ADA2: variants seen among roughly 807,000 people sequenced by gnomAD.
The protein encoded by ADA2 is adenosine deaminase 2.
In ADA2, 29 loss-of-function variants were observed where a neutral mutation model predicts 44.2. The ratio of observed to expected loss-of-function variants is 0.66; its 90% confidence interval spans 0.49 to 0.89. The LOEUF is 0.89. ADA2 is among the 40% of genes least tolerant of loss of function. The pLI is 0.00. For synonymous variants in ADA2, 215 were observed against 234.9 expected (o/e 0.92, Z 0.77); for missense variants, 637 against 644.8 (o/e 0.99, Z 0.13).
chr22:17,218,721 C>T (rs2062496268), intron 1 of ADA2, among the ~76,000 whole-genome samples: 1 of 152,212 alleles, frequency 6.6e-6, no homozygotes, highest in Non-Finnish European at 1.5e-5. Flanking sequence ...TGGTCAAGAC[C>T]TGCCTGGTTG....
chr22:17,199,432 C>CTATCCTCTTCCCCTCCCACCCCTCCAA, intron 4 of ADA2: 1 of 1,026,978 alleles, frequency 9.7e-7, no homozygotes. Context: ...CTCCCCTCCT[C>CTATCCTCTTCCCCTCCCACCCCTCCAA]TATCCTCTTC....
Position 17,209,503 on chromosome 22 carries a change from C to T in ADA2, c.175G>A (p.Ala59Thr), listed in dbSNP as rs772952596. Reference protein sequence around the residue: ...RLVLNTKEELANERLMTLKIA... With the variant: ...RLVLNTKEELTNERLMTLKIA... ...TTGAGCGTCATGAGCCTCTCATTGG[C>T]CAGCTCCTCCTTGGTGTTCAGCACC... is the stretch of plus-strand genomic sequence containing the variant. Residue 59 changes from alanine to threonine, a missense_variant, in exon 2 of 10, where the codon GCC becomes ACC. Physicochemically the swap from Ala to Thr is moderately conservative, Grantham distance 58. Coordinates refer to ENST00000399837, the MANE Select transcript of ADA2 (RefSeq NM_001282225.2). 2.5e-6 allele frequency: 4 copies of T among 1,614,002 alleles called. No homozygotes were observed. The African/African-American group carries it at 4.0e-5, about 16-fold the overall frequency.
intron 3 of ADA2, 98 bp downstream of exon 3, chr22:17,206,973 A>G: frequency 1.1e-6 from 1 of 918,408 alleles, no homozygotes; most frequent in African/African-American, 1.6e-5. Flanking sequence ...GTTTTATTAA[A>G]GCCAGATTTT....
chr22:17,208,954 G>A (rs558130701), intron 2 of ADA2, among the ~76,000 whole-genome samples: 14 of 152,080 alleles, frequency 9.2e-5, no homozygotes, highest in Admixed American at 5.2e-4. Context: ...TCAGCCTCCA[G>A]AGTAGCTCGG....
At chr22:17,197,078 C>G (rs2062200642) in intron 4 of ADA2, among the ~76,000 whole-genome samples, 2 of 152,060 alleles carry the variant, frequency 1.3e-5, no homozygotes, top group Admixed American at 6.6e-5. Flanking sequence ...GAGGCTGAGG[C>G]AGGAGAATCA....
chr22:17,217,672 G>A (rs2123737133), intron 1 of ADA2, among the ~76,000 whole-genome samples: 1 of 152,224 alleles, frequency 6.6e-6, no homozygotes, highest in Admixed American at 6.5e-5. Context: ...GCCAGGCGTG[G>A]TGTATTGAAC....
intron 4 of ADA2, among the ~76,000 whole-genome samples, chr22:17,202,449 T>A (rs1452126855): frequency 1.3e-5 from 2 of 152,068 alleles, no homozygotes; most frequent in African/African-American, 4.8e-5. Context: ...GTATTTTTAG[T>A]AGAGATGGAA....
At chr22:17,186,439 G>A (rs184346975) in intron 7 of ADA2, among the ~76,000 whole-genome samples, 5 of 151,260 alleles carry the variant, frequency 3.3e-5, no homozygotes, top group African/African-American at 7.3e-5. Flanking sequence ...AAAATTAGCC[G>A]GGTGTGTTGG....
At chr22:17,194,019 G>GAA (rs34572644) in intron 4 of ADA2, among the ~76,000 whole-genome samples, 6,772 of 122,958 alleles carry the variant, frequency 0.055, 459 homozygotes, top group African/African-American at 0.17. Context: ...AAAAAGGAAT[G>GAA]AAAAAAAAAA....
rs372930295 is a variant in ADA2 at position 17,215,771 on chromosome 22, A to C, written c.-47+3585T>G. On this transcript the variant is annotated intron_variant, in intron 1 of 9. Transcript: ENST00000399837. ...TGATCTCATAGATATAGAGAATAGAAAGATAGACACCAGAGACTATGAAGG... is the reference window on the plus strand; with the variant it reads ...TGATCTCATAGATATAGAGAATAGACAGATAGACACCAGAGACTATGAAGG... Among the ~76,000 whole-genome samples, 8 of 152,242 alleles carry C rather than the reference A, an allele frequency of 5.3e-5. No individual in the cohort carries two copies. In the East Asian group the frequency reaches 9.7e-4, roughly 18 times the overall value.
At chr22:17,196,318 C>A (rs2062190025) in intron 4 of ADA2, among the ~76,000 whole-genome samples, 1 of 113,196 alleles carries the variant, frequency 8.8e-6, no homozygotes, top group African/African-American at 3.1e-5. Flanking sequence ...AGTGAAACTC[C>A]ATCCCAAAAA....
chr22:17,189,715 T>C (rs963449259), intron 6 of ADA2: 3 of 502,738 alleles, frequency 6.0e-6, no homozygotes, highest in Non-Finnish European at 1.1e-5. Context: ...TAGAACTGGC[T>C]GTCTGCTCTC....
rs776871500 is a variant in ADA2 at position 17,191,674 on chromosome 22, C to G, written c.881+9G>C. 1.2e-6 allele frequency: 2 copies of G among 1,604,792 alleles called. No individual in the cohort carries two copies. The highest frequency in any genetic ancestry group is 2.2e-5 in the South Asian group (2 of 90,900). ...CCAACCCGAGCTTTTCAGCAATATT[C>G]TCTCTCACCTGTGATCCGAATAAAT... On this transcript the variant is annotated intron_variant, in intron 5 of 9. Transcript: ENST00000399837.
chr22:17,194,263 C>CCGGGAGT (rs2062162049), intron 4 of ADA2, among the ~76,000 whole-genome samples: 1 of 152,080 alleles, frequency 6.6e-6, no homozygotes, highest in Non-Finnish European at 1.5e-5. Context: ...CTTCCTCCTC[C>CCGGGAGT]CGGGAGTCGG....
intron 7 of ADA2, among the ~76,000 whole-genome samples, chr22:17,187,166 CAAA>C (rs34453748): frequency 7.8e-6 from 1 of 127,440 alleles, no homozygotes; most frequent in Admixed American, 8.4e-5. Context: ...GACTCCATCT[CAAA>C]AAAAAAAAAA....
Position 17,181,935 on chromosome 22 carries a change from G to A in ADA2, c.1327C>T (p.Pro443Ser), listed in dbSNP as rs759712466. The change falls in exon 9 of 10, where the codon CCA (proline) becomes TCA (serine). Residue 443 changes from proline (P) to serine (S), a missense_variant. Transcript: ENST00000399837. ...AAGCCTTTGGCACCAAACATAGCTG[G>A]GTCATCAGAGCTGATCACCATGGGG... ...GHPMVISSDD[P>S]AMFGAKGLSY... 2 of 1,614,140 alleles carry A rather than the reference G, an allele frequency of 1.2e-6. No individual in the cohort carries two copies. The highest frequency in any genetic ancestry group is 2.2e-5 in the South Asian group (2 of 91,076).
At chr22:17,199,405 G>A in intron 4 of ADA2, 2 of 182,582 alleles carry the variant, frequency 1.1e-5, no homozygotes, top group South Asian at 1.3e-4. Context: ...GAAAGCCTCT[G>A]TCTCAGCGTC....
chr22:17,211,757 G>A (rs748605333), intron 1 of ADA2, among the ~76,000 whole-genome samples: 1 of 150,908 alleles, frequency 6.6e-6, no homozygotes, highest in Non-Finnish European at 1.5e-5. Context: ...GTGAAACCCC[G>A]TCTCTACTGA....
chr22:17,221,230 T>A (rs1386529728), upstream of ADA2, among the ~76,000 whole-genome samples: 2 of 152,078 alleles, frequency 1.3e-5, no homozygotes, highest in African/African-American at 4.8e-5. Context: ...ACAAGATTGA[T>A]TCCAGCGCCG....
Sources: gnomAD v4.1 joint callset for allele counts (sites outside exome capture counted in the v4.1 genomes callset) on GRCh38, gnomAD v4.1.1 for gene constraint, MANE v1.5 for transcripts, NCBI Gene and HGNC (gene_info 2026-07-23, HGNC 2026-07-21) for gene names.